The following RIMS1 variants were observed in gnomAD, a reference collection of about 807,000 sequenced individuals.
RIMS1 encodes the protein regulating synaptic membrane exocytosis protein 1.
A neutral mutation model predicts 214.1 loss-of-function variants in RIMS1; 83 were observed. That is an observed-to-expected ratio of 0.39 (90% confidence interval 0.32 to 0.47). The LOEUF (loss-of-function observed/expected upper bound fraction) is 0.47. Among genes scored for constraint, RIMS1 ranks in the 20% least tolerant of loss-of-function variants. RIMS1 has a pLI of 0.99. For synonymous variants in RIMS1, 793 were observed against 786.8 expected (o/e 1.01, Z -0.13); for missense variants, 2,050 against 2,161.8 (o/e 0.95, Z 1.03).
chr6:72,186,787 C>CG (rs2049171954), intron 6 of RIMS1, among the ~76,000 whole-genome samples: 1 of 151,412 alleles, frequency 6.6e-6, no homozygotes, highest in African/African-American at 2.4e-5. Context: ...GTACCCCCCC[C>CG]CATATATATG....
At position 71,933,719 on chromosome 6, in the gene RIMS1, AG is replaced by A. The variant is rs66935911; in HGVS notation, c.165-35263del. Among the ~76,000 whole-genome samples the A allele has an allele frequency of 8.5e-3, 704 of 82,708 alleles. 5 individuals are homozygous for A. The highest frequency in any genetic ancestry group is 0.031 in the Middle Eastern group (6 of 194). The allele number at this position is 82,708 out of a possible 152,430, so 54.3% of individuals were successfully genotyped here. A position where few individuals can be genotyped will look rare whatever the true frequency, so the allele number is the denominator to read the frequency against. On this transcript the variant is annotated intron_variant, in intron 1 of 33. Transcript: ENST00000521978. ...ACACACACACACACACACACACACA[AG>A]TTGTATTAAAATACAATATGAAATT...
chr6:71,922,666 T>C (rs1450687389), intron 1 of RIMS1, among the ~76,000 whole-genome samples: 1 of 151,854 alleles, frequency 6.6e-6, no homozygotes, highest in Non-Finnish European at 1.5e-5. Context: ...TGAAGTAAGG[T>C]ATAAAAAAGG....
At chr6:72,161,576 T>C (rs2045419156) in intron 4 of RIMS1, among the ~76,000 whole-genome samples, 1 of 140,304 alleles carries the variant, frequency 7.1e-6, no homozygotes, top group Non-Finnish European at 1.6e-5. Flanking sequence ...CCAGAGATTC[T>C]GGTATGTTGT....
At chr6:72,021,884 A>G (rs902560852) in intron 2 of RIMS1, among the ~76,000 whole-genome samples, 8 of 152,188 alleles carry the variant, frequency 5.3e-5, no homozygotes, top group African/African-American at 1.9e-4. Flanking sequence ...TTTGAGGAGT[A>G]AGTCCCAGAA....
intron 4 of RIMS1, among the ~76,000 whole-genome samples, chr6:72,150,964 T>C (rs1363655450): frequency 1.3e-5 from 2 of 152,228 alleles, no homozygotes; most frequent in Non-Finnish European, 2.9e-5. Flanking sequence ...ATGGTGACAG[T>C]CATAAATGCA....
chr6:72,172,036 G>T (rs1409302146), intron 4 of RIMS1, among the ~76,000 whole-genome samples: 1 of 151,572 alleles, frequency 6.6e-6, no homozygotes, highest in African/African-American at 2.4e-5. Context: ...AACCAATATG[G>T]CAAGCAACAA....
intron 2 of RIMS1, among the ~76,000 whole-genome samples, chr6:72,093,802 A>G (rs577431011): frequency 1.3e-5 from 2 of 152,040 alleles, no homozygotes; most frequent in Non-Finnish European, 2.9e-5. Context: ...TTTGGATATC[A>G]TACACTCTAT....
At chr6:72,190,237 G>A (rs2049838589) in intron 6 of RIMS1, among the ~76,000 whole-genome samples, 1 of 152,096 alleles carries the variant, frequency 6.6e-6, no homozygotes, top group Admixed American at 6.6e-5. Context: ...GCCGAGGTGG[G>A]CGGATCACCT....
intron 29 of RIMS1, among the ~76,000 whole-genome samples, chr6:72,379,607 C>A (rs1348016570): frequency 6.6e-6 from 1 of 152,186 alleles, no homozygotes; most frequent in Non-Finnish European, 1.5e-5. Context: ...GTAATCTGTG[C>A]AGAATACTTT....
chr6:72,276,987 A>T (rs185949173), intron 23 of RIMS1, among the ~76,000 whole-genome samples: 31 of 152,332 alleles, frequency 2.0e-4, no homozygotes, highest in African/African-American at 7.5e-4. Flanking sequence ...AAATATTCTA[A>T]AGTTAATGAC....
At chr6:72,313,453 T>G in intron 27 of RIMS1, 53 bp from the exon 28 acceptor site, 1 of 1,546,598 alleles carries the variant, frequency 6.5e-7, no homozygotes, top group Non-Finnish European at 8.9e-7. Context: ...ACCATCTATG[T>G]TTTTTCCATT....
intron 6 of RIMS1, among the ~76,000 whole-genome samples, chr6:72,221,439 T>C (rs2058409376): frequency 6.6e-6 from 1 of 152,058 alleles, no homozygotes; most frequent in Non-Finnish European, 1.5e-5. Context: ...TCAGTGTTTT[T>C]AGTCCCTTTC....
intron 27 of RIMS1, among the ~76,000 whole-genome samples, chr6:72,307,597 A>T (rs1318917972): frequency 6.6e-6 from 1 of 152,062 alleles, no homozygotes; most frequent in Non-Finnish European, 1.5e-5. Flanking sequence ...CTACTAAAAA[A>T]TACAAAAATT....
rs1204041457 is a variant in RIMS1, at chr6:72,232,729, G to A, written c.1679-1044G>A. On this transcript the variant is annotated intron_variant, in intron 6 of 33. Coordinates refer to ENST00000521978, the MANE Select transcript of RIMS1 (RefSeq NM_014989.7). ...AGTTCCTAAAAAATTGAAGTGTATG[G>A]ATTGAAGTGTATGGAATTGAAGTGC... Among the ~76,000 whole-genome samples the A allele has an allele frequency of 7.3e-5, 11 of 151,608 alleles. No homozygotes were observed. The Admixed American group carries it at 7.3e-4, about 10-fold the overall frequency.
intron 26 of RIMS1, among the ~76,000 whole-genome samples, chr6:72,298,696 C>A (rs549094462): frequency 6.6e-6 from 1 of 152,060 alleles, no homozygotes; most frequent in Admixed American, 6.6e-5. Flanking sequence ...ATGTTCTGTG[C>A]TCCACACCAC....
In RIMS1 at chr6:72,250,390, G is replaced by A. The variant is rs1252464537; in HGVS notation, c.2302G>A (p.Asp768Asn). ...QLIVNVLQATDLPARVDGRPR... is the reference protein window; with the variant it reads ...QLIVNVLQATNLPARVDGRPR... ...GATTGTAAATGTTCTGCAAGCAACA[G>A]ATCTACCTGCTAGAGTAGATGGACG... The change falls in exon 13 of 34, where the codon GAT (aspartate) becomes AAT (asparagine). Residue 768 changes from aspartate (D) to asparagine (N), a missense_variant. Asp to Asn is a conservative substitution (Grantham distance 23, BLOSUM62 1). Around this residue, in one of 6 missense-constraint regions of RIMS1, gnomAD observed 889 missense variants for 885.5 expected, o/e 1.00. Coordinates refer to ENST00000521978, the MANE Select transcript of RIMS1 (RefSeq NM_014989.7). The A allele has an allele frequency of 1.2e-6, 2 of 1,607,736 alleles. No individual in the cohort carries two copies. The highest frequency in any genetic ancestry group is 1.7e-5 in the Admixed American group (1 of 59,838).
chr6:72,295,911 CATT>C, intron 26 of RIMS1: 1 of 479,772 alleles, frequency 2.1e-6, no homozygotes, highest in Non-Finnish European at 2.8e-6. Flanking sequence ...TTGTTTCCAT[CATT>C]ATGTGCATTT....
intron 1 of RIMS1, among the ~76,000 whole-genome samples, chr6:71,929,026 G>T (rs539797929): frequency 1.3e-5 from 2 of 152,086 alleles, no homozygotes; most frequent in East Asian, 3.8e-4. Flanking sequence ...AGACTGAAAG[G>T]CTTCATTTTC....
intron 4 of RIMS1, among the ~76,000 whole-genome samples, chr6:72,150,035 G>T (rs1243461007): frequency 1.3e-5 from 2 of 152,144 alleles, no homozygotes; most frequent in Non-Finnish European, 2.9e-5. Context: ...GGTGAGGGGG[G>T]TGGAGAGGAA....
Sources: gnomAD v4.1 joint callset for allele counts (sites outside exome capture counted in the v4.1 genomes callset) on GRCh38, gnomAD v4.1.1 for gene constraint, gnomAD v4.1.1 regional missense constraint, MANE v1.5 for transcripts, NCBI Gene and HGNC (gene_info 2026-07-23, HGNC 2026-07-21) for gene names.